The following ZNF37A variants were observed in gnomAD, a reference collection of about 807,000 sequenced individuals.
ZNF37A encodes zinc finger protein 37a (KOX 21).
Under a neutral mutation model 12.3 loss-of-function variants are expected in ZNF37A, and 10 were observed. The observed-to-expected ratio is 0.82, with a 90% CI of 0.50 to 1.38. ZNF37A has a LOEUF of 1.38. Among genes scored for constraint, ZNF37A ranks in the 40% most tolerant of loss-of-function variants. The pLI, the probability that ZNF37A is intolerant of heterozygous loss-of-function variation, is 0.00. For missense variants in ZNF37A, 580 were observed against 651.2 expected (o/e 0.89, Z 1.19); for synonymous variants, 207 against 223.0 (o/e 0.93, Z 0.64).
intron 5 of ZNF37A, among the ~76,000 whole-genome samples, chr10:38,112,823 C>G (rs1264361875): frequency 1.1e-5 from 1 of 87,032 alleles, no homozygotes; most frequent in Non-Finnish European, 2.4e-5. Flanking sequence ...CTTTTCTTTT[C>G]TTTCACAGAG....
At chr10:38,128,943 G>A (rs2069968220), downstream of ZNF37A, among the ~76,000 whole-genome samples, 1 of 152,042 alleles carries the variant, frequency 6.6e-6, no homozygotes, top group African/African-American at 2.4e-5. Context: ...TAGTAGAGAT[G>A]GGATTTCACT....
chr10:38,105,477 T>A (rs1347628846), intron 5 of ZNF37A, among the ~76,000 whole-genome samples: 6 of 152,220 alleles, frequency 3.9e-5, no homozygotes, highest in African/African-American at 1.4e-4. Context: ...TCTTCTTATT[T>A]TTGGAAAAAC....
chr10:38,145,842 T>C (rs1222037633), intron 7 of ZNF37A, among the ~76,000 whole-genome samples: 1 of 152,238 alleles, frequency 6.6e-6, no homozygotes, highest in Non-Finnish European at 1.5e-5. Context: ...CTTATGCCTC[T>C]AATCCCAGCA....
Position 38,117,940 on chromosome 10 carries a change from AACACAT to A in ZNF37A, c.793_798del (p.His265_Thr266del). 6.2e-7 allele frequency: 1 copy of A among 1,613,970 alleles called. No individual in the cohort carries two copies. Among genetic ancestry groups the A allele is most frequent in the Non-Finnish European group, 8.5e-7 (1 of 1,180,016 alleles). ...AATTAGTCCTTCATTTACAACAGAG[AACACAT>A]ACAGGAGAAAAACCTTATGAATGTC... On this transcript the variant is annotated inframe_deletion, in exon 8 of 8. Transcript: ENST00000685332.
chr10:38,124,591 A>G lies in ZNF37A; in HGVS notation c.*5754A>G, dbSNP rs1181071246. 2 of 152,174 alleles carry G rather than the reference A, an allele frequency of 1.3e-5. No homozygotes were observed. The highest frequency in any genetic ancestry group is 4.8e-5 in the African/African-American group (2 of 41,444). 9.4% of individuals were successfully genotyped at this position (152,174 alleles called of 1,614,324 possible). A position where few individuals can be genotyped will look rare whatever the true frequency, so the allele number is the denominator to read the frequency against. On this transcript the variant is annotated 3_prime_UTR_variant, in exon 8 of 8. Coordinates refer to ENST00000685332, the MANE Select transcript of ZNF37A (RefSeq NM_001324250.3). ...TATACACCTAGTATGTACCCACAAA[A>G]ATTAAAAATAAAGTAAAATTTCAAT...
chr10:38,098,414 GCAATCCATAGGAATTT>G, intron 5 of ZNF37A, among the ~76,000 whole-genome samples: 1 of 152,166 alleles, frequency 6.6e-6, no homozygotes, highest in African/African-American at 2.4e-5. Context: ...AGGGTGCTTT[GCAATCCATAGGAATTT>G]TTAGTTAGCT....
intron 5 of ZNF37A, among the ~76,000 whole-genome samples, chr10:38,102,113 G>A (rs1273074307): frequency 6.6e-6 from 1 of 152,028 alleles, no homozygotes; most frequent in Non-Finnish European, 1.5e-5. Context: ...GGGATTACAG[G>A]TTTGAGCCAC....
chr10:38,100,249 G>A (rs543174305), intron 5 of ZNF37A, among the ~76,000 whole-genome samples: 2 of 152,292 alleles, frequency 1.3e-5, no homozygotes, highest in South Asian at 2.1e-4. Context: ...GGACCGGTGC[G>A]AAATTAACAT....
downstream of ZNF37A, among the ~76,000 whole-genome samples, chr10:38,126,238 T>C (rs2069924308): frequency 6.6e-6 from 1 of 152,238 alleles, no homozygotes; most frequent in African/African-American, 2.4e-5. Flanking sequence ...GACCTGAAAC[T>C]TTACAGAGAA....
chr10:38,129,040 C>T (rs537000757), downstream of ZNF37A, among the ~76,000 whole-genome samples: 35 of 152,172 alleles, frequency 2.3e-4, no homozygotes, highest in South Asian at 6.2e-4. Context: ...GCGTGAGCCA[C>T]CGCATCTGGC....
chr10:38,114,898 T>C lies in ZNF37A; in HGVS notation c.142+17T>C, dbSNP rs770760514. ...TCTCAGTAGGTAGGTAGGAATTGTT[T>C]CCCATGTAGAAGGCCAGAATGCATG... On this transcript the variant is annotated intron_variant, in intron 6 of 7. Coordinates refer to ENST00000685332, the MANE Select transcript of ZNF37A (RefSeq NM_001324250.3). 1 of 1,601,248 alleles carries C rather than the reference T, an allele frequency of 6.2e-7. No individual in the cohort carries two copies. The highest frequency in any genetic ancestry group is 2.2e-5 in the East Asian group (1 of 44,738).
Position 38,146,415 on chromosome 10 carries a change from C to A in ZNF37A, c.239-317C>A, listed in dbSNP as rs544757687. ...ACCACCATGCCCAACCCACAACAGGCGTTTTAATAGTTTATGAGGCCATTG... is the reference window on the plus strand; with the variant it reads ...ACCACCATGCCCAACCCACAACAGGAGTTTTAATAGTTTATGAGGCCATTG... On this transcript the variant is annotated intron_variant, in intron 7 of 7. Transcript: ENST00000638053. Among the ~76,000 whole-genome samples the A allele has an allele frequency of 3.9e-5, 6 of 152,180 alleles. No individual in the cohort carries two copies. In the South Asian group the frequency reaches 1.2e-3, roughly 32 times the overall value.
At chr10:38,128,243 G>A (rs1448180140), downstream of ZNF37A, among the ~76,000 whole-genome samples, 1 of 152,162 alleles carries the variant, frequency 6.6e-6, no homozygotes, top group Non-Finnish European at 1.5e-5. Flanking sequence ...TAATATAATA[G>A]GAGGAAGGAT....
chr10:38,109,799 C>T (rs183782788), intron 5 of ZNF37A, among the ~76,000 whole-genome samples: 1 of 152,252 alleles, frequency 6.6e-6, no homozygotes, highest in African/African-American at 2.4e-5. Context: ...TGCGAAGGAC[C>T]TCTTCAAGAA....
chr10:38,126,125 T>A (rs1311680586), downstream of ZNF37A, among the ~76,000 whole-genome samples: 1 of 152,174 alleles, frequency 6.6e-6, no homozygotes, highest in Non-Finnish European at 1.5e-5. Context: ...ATATCCAAAG[T>A]ATAGGATTGA....
At chr10:38,132,718 CATTTTCAACTTGT>C (rs1039163021) in intron 7 of ZNF37A, among the ~76,000 whole-genome samples, 1 of 152,034 alleles carries the variant, frequency 6.6e-6, no homozygotes, top group Non-Finnish European at 1.5e-5. Flanking sequence ...ATATCAAACT[CATTTTCAACTTGT>C]ATTTTCAACT....
Position 38,115,238 on chromosome 10 carries a change from A to G in ZNF37A, c.186A>G (p.Lys62=), listed in dbSNP as rs147693515. ...PKPEVILKLE[K]GEEPWILEEK... ...CAGAAGTGATTCTCAAGTTGGAGAA[A>G]GGCGAGGAGCCATGGATATTAGAGG... Residue 62 remains lysine, a synonymous_variant, in exon 7 of 8, where the codon AAA becomes AAG. Transcript: ENST00000685332. The G allele has an allele frequency of 6.2e-6, 10 of 1,613,856 alleles. No homozygotes were observed. Among genetic ancestry groups the G allele is most frequent in the African/African-American group, 2.7e-5 (2 of 74,900 alleles).
At chr10:38,100,939 G>A (rs1489562108) in intron 5 of ZNF37A, among the ~76,000 whole-genome samples, 3 of 152,118 alleles carry the variant, frequency 2.0e-5, no homozygotes, top group Non-Finnish European at 2.9e-5. Context: ...CACAATCTAC[G>A]TTCTTCTGCC....
rs2069376666 is a variant in ZNF37A, at chr10:38,117,611, G to A, written c.460G>A (p.Ala154Thr). Residue 154 changes from alanine (A) to threonine (T), a missense_variant, in exon 8 of 8, where the codon GCT (alanine) becomes ACT (threonine). Physicochemically the swap from Ala to Thr is moderately conservative, Grantham distance 58. Coordinates refer to ENST00000685332, the MANE Select transcript of ZNF37A (RefSeq NM_001324250.3). ...TTTTGAATACAATGAATGTGGGAAA[G>A]CTTTCCCTGAGAATTCACTCTTCCT... ...QSFEYNECGK[A>T]FPENSLFLVH... 1.2e-6 allele frequency: 2 copies of A among 1,613,680 alleles called. No homozygotes were observed. The highest frequency in any genetic ancestry group is 1.7e-6 in the Non-Finnish European group (2 of 1,179,912).
Sources: allele counts gnomAD v4.1 joint callset (sites outside exome capture counted in the v4.1 genomes callset), GRCh38; gene constraint gnomAD v4.1.1; transcripts MANE v1.5; gene names NCBI Gene and HGNC (gene_info 2026-07-23, HGNC 2026-07-21).